The following RPS6KB2 variants were observed in gnomAD, a reference collection of about 807,000 sequenced individuals.
RPS6KB2 encodes the protein ribosomal protein S6 kinase B2.
Under a neutral mutation model 58.2 loss-of-function variants are expected in RPS6KB2, and 51 were observed. That is an observed-to-expected ratio of 0.88 (90% CI 0.70 to 1.11). The LOEUF (loss-of-function observed/expected upper bound fraction) is 1.11, where lower values mean the gene tolerates loss of function less well. Among genes scored for constraint, RPS6KB2 ranks in the 50% least tolerant of loss-of-function variants. RPS6KB2 has a pLI of 0.00. For missense variants in RPS6KB2, 671 were observed against 655.8 expected, an observed-to-expected ratio of 1.02 and a Z score of -0.25; for synonymous variants, 293 against 258.6, an observed-to-expected ratio of 1.13 and a Z score of -1.28.
At chr11:67,432,249 TCTGTCTTCC>T (rs1864048210) in intron 5 of RPS6KB2, 7 of 536,382 alleles carry the variant, frequency 1.3e-5, no homozygotes, top group South Asian at 1.1e-4. Flanking sequence ...TGGGATTCAC[TCTGTCTTCC>T]CTGTCTTCTC....
chr11:67,435,024 C>T lies in RPS6KB2; in HGVS notation c.1304C>T (p.Pro435Leu), dbSNP rs2135131255. 3 of 1,613,464 alleles carry T rather than the reference C, an allele frequency of 1.9e-6. No homozygotes were observed. Among genetic ancestry groups the T allele is most frequent in the East Asian group, 2.2e-5 (1 of 44,880 alleles). The change falls in exon 15 of 15, where the codon CCC becomes CTC. Residue 435 changes from proline to leucine, a missense_variant. Pro to Leu is a moderately conservative substitution (Grantham distance 98). Coordinates refer to ENST00000312629, the MANE Select transcript of RPS6KB2 (RefSeq NM_003952.3). ...LKFSPFEGFR[P>L]SPSLPEPTEL... is the part of the protein sequence containing the mutation. ...TTCTCCCCTTTTGAGGGGTTTCGGC[C>T]CAGCCCCAGCCTGCCGGAGCCCACG...
intron 5 of RPS6KB2, 99 bp from the exon 6 acceptor site, chr11:67,432,501 G>A: frequency 7.7e-7 from 1 of 1,305,460 alleles, no homozygotes; most frequent in East Asian, 2.3e-5. Context: ...AGGTAGGGCG[G>A]GAATTATGAG....
intron 5 of RPS6KB2, 50 bp from the exon 6 acceptor site, chr11:67,432,550 A>T (rs757279182): frequency 4.7e-5 from 76 of 1,603,314 alleles, no homozygotes; most frequent in Non-Finnish European, 6.1e-5. Context: ...CTCAGAAAGC[A>T]CAAAGGGGCT....
At chr11:67,433,541 G>A (rs1864122747) in intron 10 of RPS6KB2, 94 bp downstream of exon 10, 1 of 937,266 alleles carries the variant, frequency 1.1e-6, no homozygotes, top group Admixed American at 2.0e-5. Context: ...GGGCCACCCC[G>A]GCCTGTGCAG....
In RPS6KB2 at chr11:67,434,416, A is replaced by T; in HGVS notation, c.1087A>T (p.Thr363Ser). The change falls in exon 13 of 15, where the codon ACA becomes TCA. Residue 363 changes from threonine to serine, a missense_variant. By Grantham distance (58) the Thr-to-Ser change is moderately conservative (BLOSUM62 1). Coordinates refer to ENST00000312629, the MANE Select transcript of RPS6KB2 (RefSeq NM_003952.3). ...EDVSQFDTRFTRQTPVDSPDD... is the reference protein window; with the variant it reads ...EDVSQFDTRFSRQTPVDSPDD... ...CGTGAGCCAGTTTGATACCCGCTTC[A>T]CACGGCAGACGCCGGTGGACAGTCC... 1 of 1,613,236 alleles carries T rather than the reference A, an allele frequency of 6.2e-7. No homozygotes were observed. Among genetic ancestry groups the T allele is most frequent in the Non-Finnish European group, 8.5e-7 (1 of 1,180,010 alleles).
At position 67,434,369 on chromosome 11, in the gene RPS6KB2, G is replaced by C. The variant is rs558871966; in HGVS notation, c.1048-8G>C. 4 of 1,612,398 alleles carry C rather than the reference G, an allele frequency of 2.5e-6. No individual in the cohort carries two copies. In the Admixed American group the frequency reaches 6.7e-5, roughly 27 times the overall value. On this transcript the variant is annotated splice_region_variant and splice_polypyrimidine_tract_variant and intron_variant, in intron 12 of 14. Transcript: ENST00000312629. ...CTCTGACCCCTCCCCACTCTGGTCG[G>C]CCCACAGCAGTCAGAGGAGGACGTG... is the stretch of plus-strand genomic sequence containing the variant.
rs1487927123 is a variant in RPS6KB2 at position 67,429,250 on chromosome 11, G to T, written c.240+10G>T. ...GGGGGGCTATGGCAAGGTAGGGGCG[G>T]GCGCACCCTCCTCCTGGCCTCACAG... On this transcript the variant is annotated intron_variant, in intron 3 of 14. Transcript: ENST00000312629. 2 of 1,612,068 alleles carry T rather than the reference G, an allele frequency of 1.2e-6. No homozygotes were observed. The highest frequency in any genetic ancestry group is 2.2e-5 in the South Asian group (2 of 91,066).
At chr11:67,430,785 T>G (rs1202195045) in intron 4 of RPS6KB2, 1 of 152,224 alleles carries the variant, frequency 6.6e-6, no homozygotes, top group African/African-American at 2.4e-5. Flanking sequence ...TGGCACCCGG[T>G]GGGTGGAGAC....
chr11:67,431,513 G>A lies in RPS6KB2; in HGVS notation c.455G>A (p.Ser152Asn), dbSNP rs1230476831. ...CTCTACCTCATCCTTGAGTGCCTCAGTGGTATGAGTGCGGGCCCAGGCAGG... is the reference window on the plus strand; with the variant it reads ...CTCTACCTCATCCTTGAGTGCCTCAATGGTATGAGTGCGGGCCCAGGCAGG... ...GKLYLILECLSGGELFTHLER... is the reference protein window; with the variant it reads ...GKLYLILECLNGGELFTHLER... Residue 152 changes from serine (S) to asparagine (N), a missense_variant and splice_region_variant, in exon 5 of 15, where the codon AGT (serine) becomes AAT (asparagine). By Grantham distance (46) the Ser-to-Asn change is conservative. Coordinates refer to ENST00000312629, the MANE Select transcript of RPS6KB2 (RefSeq NM_003952.3). 1.2e-6 allele frequency: 2 copies of A among 1,613,950 alleles called. No individual in the cohort carries two copies. The highest frequency in any genetic ancestry group is 1.7e-6 in the Non-Finnish European group (2 of 1,179,958).
intron 4 of RPS6KB2, chr11:67,430,401 T>G (rs1299094552): frequency 6.6e-6 from 1 of 152,176 alleles, no homozygotes; most frequent in Non-Finnish European, 1.5e-5. Context: ...GTGATTCTCC[T>G]GCCTCAGCCT....
rs1233064145 is a variant in RPS6KB2, at chr11:67,434,048, T to A, written c.960T>A (p.Ala320=). 1 of 1,614,072 alleles carries A rather than the reference T, an allele frequency of 6.2e-7. No homozygotes were observed. Among genetic ancestry groups the A allele is most frequent in the South Asian group, 1.1e-5 (1 of 91,082 alleles). ...QRIGGGPGDA[A]DVQRHPFFRH... is the part of the protein sequence containing the mutation. ...TTGGGGGTGGCCCAGGGGATGCTGC[T>A]GATGTGCAGGTGGGTTTGGGACCAC... is the stretch of plus-strand genomic sequence containing the variant. The change falls in exon 11 of 15, where the codon GCT becomes GCA. Residue 320 remains alanine (A), a synonymous_variant. Transcript: ENST00000312629.
At chr11:67,431,545 G>C in intron 5 of RPS6KB2, 30 bp downstream of exon 5, 1 of 1,603,858 alleles carries the variant, frequency 6.2e-7, no homozygotes, top group Non-Finnish European at 8.5e-7. Flanking sequence ...CAGGGGTGCT[G>C]GGGGTCGCGG....
At chr11:67,432,530 G>T (rs1864061746) in intron 5 of RPS6KB2, 70 bp from the exon 6 acceptor site, 4 of 1,540,360 alleles carry the variant, frequency 2.6e-6, no homozygotes, top group African/African-American at 1.4e-5. Flanking sequence ...TCCCCAAGAA[G>T]AAATAAAGAC....
chr11:67,429,131 A>C lies in RPS6KB2; in HGVS notation c.131A>C (p.His44Pro), dbSNP rs1251570731. The stretch of plus-strand genomic sequence containing the variant: ...CCTTGTGTCCGTAGGCCTGTGGGAC[A>C]CTATGAAGAGGTGGAGCTGACTGAG... Reference protein sequence around the residue: ...LRAAGLEPVGHYEEVELTETS... With the variant: ...LRAAGLEPVGPYEEVELTETS... Residue 44 changes from histidine (H) to proline (P), a missense_variant, in exon 3 of 15, where the codon CAC (histidine) becomes CCC (proline). Coordinates refer to ENST00000312629, the MANE Select transcript of RPS6KB2 (RefSeq NM_003952.3). 1 of 1,613,948 alleles carries C rather than the reference A, an allele frequency of 6.2e-7. No homozygotes were observed. Among genetic ancestry groups the C allele is most frequent in the Non-Finnish European group, 8.5e-7 (1 of 1,180,014 alleles).
rs550099148 is a variant in RPS6KB2 at position 67,429,194 on chromosome 11, A to G, written c.194A>G (p.His65Arg). The part of the protein sequence containing the change: ...VNVGPERIGP[H>R]CFELLRVLGK... ...GTTGGCCCAGAGCGCATCGGGCCCC[A>G]CTGCTTTGAGCTGCTGCGTGTGCTG... Residue 65 changes from histidine to arginine, a missense_variant, in exon 3 of 15, where the codon CAC (histidine) becomes CGC (arginine). Physicochemically the swap from His to Arg is conservative, Grantham distance 29. Coordinates refer to ENST00000312629, the MANE Select transcript of RPS6KB2 (RefSeq NM_003952.3). 67 of 1,613,540 alleles carry G rather than the reference A, an allele frequency of 4.2e-5. No homozygotes were observed. Among genetic ancestry groups the G allele is most frequent in the Admixed American group, 3.7e-4 (22 of 60,002 alleles).
Position 67,429,541 on chromosome 11 carries a change from A to C in RPS6KB2, c.255A>C (p.Arg85=). ...CTGCCCTACAGGTGTTCCAGGTGCG[A>C]AAGGTGCAAGGCACCAACTTGGGCA... ...KGGYGKVFQV[R]KVQGTNLGKI... The change falls in exon 4 of 15, where the codon CGA becomes CGC. Residue 85 remains arginine, a synonymous_variant. Transcript: ENST00000312629. The C allele has an allele frequency of 1.2e-6, 2 of 1,613,318 alleles. No individual in the cohort carries two copies. The highest frequency in any genetic ancestry group is 1.7e-6 in the Non-Finnish European group (2 of 1,179,780).
rs1662857708 is a variant in RPS6KB2 at position 67,428,986 on chromosome 11, C to T, written c.83C>T (p.Ala28Val). ...EGEPELSPAD[A>V]CPLAELRAAG... Reference sequence around the variant, plus strand: ...TTACCCCTCGGTTTCTCACAGGACGCATGTCCCCTTGCCGAGTTGAGGGCA... The same window carrying T: ...TTACCCCTCGGTTTCTCACAGGACGTATGTCCCCTTGCCGAGTTGAGGGCA... Residue 28 changes from alanine to valine, a missense_variant, in exon 2 of 15, where the codon GCA becomes GTA. Physicochemically the swap from Ala to Val is moderately conservative, Grantham distance 64. Coordinates refer to ENST00000312629, the MANE Select transcript of RPS6KB2 (RefSeq NM_003952.3). The T allele has an allele frequency of 6.2e-7, 1 of 1,613,876 alleles. No individual in the cohort carries two copies. The highest frequency in any genetic ancestry group is 8.5e-7 in the Non-Finnish European group (1 of 1,180,030).
rs1042817363 is a variant in RPS6KB2, at chr11:67,434,484, G to A, written c.1155G>A (p.Leu385=). 4 of 1,610,450 alleles carry A rather than the reference G, an allele frequency of 2.5e-6. No homozygotes were observed. Among genetic ancestry groups the A allele is most frequent in the South Asian group, 1.1e-5 (1 of 91,030 alleles). Residue 385 remains leucine (L), a splice_region_variant and synonymous_variant, in exon 13 of 15, where the codon CTG becomes CTA. Coordinates refer to ENST00000312629, the MANE Select transcript of RPS6KB2 (RefSeq NM_003952.3). ...ALSESANQAF[L]GFTYVAPSVL... is the part of the protein sequence containing the mutation. ...GCGAGAGTGCCAACCAGGCCTTCCT[G>A]GTGAGTGCGGGGGCCTGAGGCCTGT...
chr11:67,429,418 C>T, intron 3 of RPS6KB2, 109 bp from the exon 4 acceptor site: 2 of 1,373,178 alleles, frequency 1.5e-6, no homozygotes, highest in Non-Finnish European at 1.0e-6. Flanking sequence ...CACTGCCCCA[C>T]CCTTGGCAGG....
Sources: gnomAD v4.1 joint callset for allele counts on GRCh38, gnomAD v4.1.1 for gene constraint, MANE v1.5 for transcripts, NCBI Gene and HGNC (gene_info 2026-07-23, HGNC 2026-07-21) for gene names.